EIF3K: variants seen among roughly 807,000 people sequenced by gnomAD.
The protein encoded by EIF3K is eIF-3 p28.
Under a neutral mutation model 34.2 loss-of-function variants are expected in EIF3K, and 27 were observed. The observed-to-expected ratio is 0.79, with a 90% CI of 0.58 to 1.09. The LOEUF is 1.09. Among genes scored for constraint, EIF3K ranks in the 50% least tolerant of loss-of-function variants. The probability of loss-of-function intolerance (pLI) is 0.00; values close to 1 mark genes in which losing one functional copy is unlikely to be tolerated. For missense variants in EIF3K, 232 were observed against 275.4 expected, an observed-to-expected ratio of 0.84 and a Z score of 1.11; for synonymous variants, 105 against 105.7, an observed-to-expected ratio of 0.99 and a Z score of 0.04.
At chr19:38,626,288 A>G (rs1459085942) in intron 4 of EIF3K, 186 bp downstream of exon 4, 1 of 635,622 alleles carries the variant, frequency 1.6e-6, no homozygotes. Context: ...CCCCGTGCCC[A>G]CAGGCTGAGG....
At position 38,636,884 on chromosome 19, in the gene EIF3K, C is replaced by T; in HGVS notation, c.626-5C>T. 1.2e-6 allele frequency: 2 copies of T among 1,614,130 alleles called. No individual in the cohort carries two copies. The highest frequency in any genetic ancestry group is 1.7e-6 in the Non-Finnish European group (2 of 1,180,014). ...ACCTTCAGTCTGGTCTCTCCTTCCC[C>T]ACAGGTGTGTCCAGCATCATGGCCT... On this transcript the variant is annotated splice_polypyrimidine_tract_variant and splice_region_variant and intron_variant, in intron 7 of 7. Coordinates refer to ENST00000248342, the MANE Select transcript of EIF3K (RefSeq NM_013234.4).
intron 2 of EIF3K, among the ~76,000 whole-genome samples, chr19:38,622,694 C>T (rs989268812): frequency 7.2e-5 from 11 of 152,174 alleles, no homozygotes; most frequent in Non-Finnish European, 1.6e-4. Flanking sequence ...AGCCTGGGAA[C>T]GCTATGGGAG....
chr19:38,623,227 T>G (rs930519551), intron 2 of EIF3K, among the ~76,000 whole-genome samples: 1 of 152,244 alleles, frequency 6.6e-6, no homozygotes, highest in African/African-American at 2.4e-5. Context: ...AACTAATAAA[T>G]GTCCATAAAA....
chr19:38,635,487 C>A (rs1261177253), intron 7 of EIF3K: 8 of 344,336 alleles, frequency 2.3e-5, no homozygotes, highest in African/African-American at 4.1e-5. Context: ...ATCCGGTGAA[C>A]AGTAGGAATC....
chr19:38,636,788 G>A (rs1289277039), intron 7 of EIF3K, 101 bp from the exon 8 acceptor site: 25 of 1,402,286 alleles, frequency 1.8e-5, no homozygotes, highest in Non-Finnish European at 2.2e-5. Flanking sequence ...CCTGGAAGGA[G>A]TTTATGATCT....
Position 38,626,010 on chromosome 19 carries a change from A to C in EIF3K, c.280-18A>C. The C allele has an allele frequency of 6.2e-7, 1 of 1,613,910 alleles. No individual in the cohort carries two copies. The highest frequency in any genetic ancestry group is 8.5e-7 in the Non-Finnish European group (1 of 1,179,852). Reference sequence around the variant, plus strand: ...TTACGCTCCGAGGCCAGTTTTCCTTAATGCTTCCTCCTCCCAGCAAGAAGA... The same window carrying C: ...TTACGCTCCGAGGCCAGTTTTCCTTCATGCTTCCTCCTCCCAGCAAGAAGA... On this transcript the variant is annotated intron_variant, in intron 3 of 7. Transcript: ENST00000248342.
intron 1 of EIF3K, among the ~76,000 whole-genome samples, chr19:38,619,757 C>T (rs192314042): frequency 1.3e-5 from 2 of 152,342 alleles, no homozygotes; most frequent in Non-Finnish European, 1.5e-5. Flanking sequence ...ATTCTCCACA[C>T]GTTTACTGAA....
Position 38,626,118 on chromosome 19 carries a change from T to A in EIF3K, c.354+16T>A. 1 of 1,610,800 alleles carries A rather than the reference T, an allele frequency of 6.2e-7. No homozygotes were observed. The highest frequency in any genetic ancestry group is 8.5e-7 in the Non-Finnish European group (1 of 1,177,090). ...GGCCTTCTGGGTAACTTCCCTGGGG[T>A]CCAGGGGCAGGGGAGATGGCAGGGC... On this transcript the variant is annotated intron_variant, in intron 4 of 7. Coordinates refer to ENST00000248342, the MANE Select transcript of EIF3K (RefSeq NM_013234.4).
chr19:38,628,878 A>G (rs1270145359), intron 4 of EIF3K, among the ~76,000 whole-genome samples: 1 of 151,364 alleles, frequency 6.6e-6, no homozygotes, highest in Non-Finnish European at 1.5e-5. Context: ...AGCTGCAGCT[A>G]CGGTCTTGCT....
chr19:38,623,871 T>C (rs917832063), intron 2 of EIF3K, among the ~76,000 whole-genome samples: 2 of 152,180 alleles, frequency 1.3e-5, no homozygotes, highest in Non-Finnish European at 2.9e-5. Flanking sequence ...CATTGGGTAG[T>C]TGTGAGCATT....
intron 6 of EIF3K, among the ~76,000 whole-genome samples, chr19:38,634,253 C>T (rs1229799109): frequency 6.8e-6 from 1 of 147,362 alleles, no homozygotes; most frequent in Non-Finnish European, 1.5e-5. Flanking sequence ...TCTGCCACCT[C>T]GCCCAGCTAA....
chr19:38,630,328 A>ATTATTTAT (rs1191157434), intron 4 of EIF3K, among the ~76,000 whole-genome samples: 202 of 146,070 alleles, frequency 1.4e-3, no homozygotes, highest in Middle Eastern at 3.5e-3. Context: ...ACCCGGTTTA[A>ATTATTTAT]TTATTTATTT....
At position 38,624,217 on chromosome 19, in the gene EIF3K, G is replaced by A. The variant is rs1975901742; in HGVS notation, c.279+20G>A. The A allele has an allele frequency of 6.2e-7, 1 of 1,613,696 alleles. No homozygotes were observed. The highest frequency in any genetic ancestry group is 8.5e-7 in the Non-Finnish European group (1 of 1,179,870). ...GCACATGTATCCTTCCAGCACTGGG[G>A]CCGGGGGGTGTGTGGGAAGGGGTCA... On this transcript the variant is annotated intron_variant, in intron 3 of 7. Coordinates refer to ENST00000248342, the MANE Select transcript of EIF3K (RefSeq NM_013234.4).
intron 7 of EIF3K, chr19:38,635,525 A>G (rs1242532730): frequency 3.7e-6 from 1 of 270,812 alleles, no homozygotes; most frequent in Non-Finnish European, 7.0e-6. Context: ...GTGATTCCAC[A>G]TTTTTGTGCC....
At chr19:38,635,451 G>A in intron 7 of EIF3K, 3 of 406,688 alleles carry the variant, frequency 7.4e-6, no homozygotes, top group Admixed American at 3.9e-5. Context: ...TTCTTGGGGT[G>A]CCCAAGCCTC....
intron 7 of EIF3K, 48 bp downstream of exon 7, chr19:38,635,166 C>T (rs1445933369): frequency 6.2e-7 from 1 of 1,612,724 alleles, no homozygotes; most frequent in East Asian, 2.2e-5. Flanking sequence ...GGGGGTGCCC[C>T]TCAAGGGAGG....
In EIF3K at chr19:38,634,940, G is replaced by C. The variant is rs1040272189; in HGVS notation, c.500-53G>C. ...TGACTCTGTTGCCTCTCAGTCCCCT[G>C]GAACTGTGGGATCAGGCTGACTGAA... is the stretch of plus-strand genomic sequence containing the variant. On this transcript the variant is annotated intron_variant, in intron 6 of 7. Transcript: ENST00000248342. The C allele has an allele frequency of 2.5e-6, 4 of 1,611,482 alleles. No individual in the cohort carries two copies. The East Asian group carries it at 6.7e-5, about 27-fold the overall frequency.
At chr19:38,635,168 C>G in intron 7 of EIF3K, 50 bp downstream of exon 7, 1 of 1,612,400 alleles carries the variant, frequency 6.2e-7, no homozygotes, top group Non-Finnish European at 8.5e-7. Flanking sequence ...GGGTGCCCCT[C>G]AAGGGAGGCC....
intron 1 of EIF3K, 46 bp from the exon 2 acceptor site, chr19:38,620,291 T>G: frequency 6.4e-7 from 1 of 1,570,220 alleles, no homozygotes; most frequent in Non-Finnish European, 8.7e-7. Context: ...GTGGCTGGCC[T>G]CAGCTTCTGT....
Sources: allele counts gnomAD v4.1 joint callset (sites outside exome capture counted in the v4.1 genomes callset), GRCh38; gene constraint gnomAD v4.1.1; transcripts MANE v1.5; gene names NCBI Gene and HGNC (gene_info 2026-07-23, HGNC 2026-07-21).